Variants in CACNA1C observed in about 807,000 individuals in gnomAD.
CACNA1C encodes voltage-dependent L-type calcium channel subunit alpha-1C.
CACNA1C carries 30 observed loss-of-function variants against 229.0 expected under a neutral mutation model. That is an observed-to-expected ratio of 0.13 (90% CI 0.10 to 0.18). The LOEUF (loss-of-function observed/expected upper bound fraction) is 0.18. CACNA1C is among the 10% of genes least tolerant of loss of function. The pLI is 1.00. For missense variants in CACNA1C, 1,658 were observed against 2,845.0 expected (o/e 0.58, Z 9.49); for synonymous variants, 1,114 against 1,132.5 (o/e 0.98, Z 0.33).
At chr12:2,119,793 ATGAG>A (rs1194068969) in intron 2 of CACNA1C, among the ~76,000 whole-genome samples, 1 of 152,218 alleles carries the variant, frequency 6.6e-6, no homozygotes, top group Non-Finnish European at 1.5e-5. Flanking sequence ...CTGCCAGAGA[ATGAG>A]AGAGAAGAAA....
chr12:2,098,266 G>T (rs2075081789), intron 1 of CACNA1C, among the ~76,000 whole-genome samples: 1 of 152,190 alleles, frequency 6.6e-6, no homozygotes, highest in Non-Finnish European at 1.5e-5. Context: ...GTCTGGTGGG[G>T]TTTTGTAGGG....
intron 3 of CACNA1C, among the ~76,000 whole-genome samples, chr12:2,298,361 C>T (rs2094256220): frequency 6.6e-6 from 1 of 152,038 alleles, no homozygotes; most frequent in South Asian, 2.1e-4. Context: ...TGCAGTGGCA[C>T]AATCTCGGCT....
At chr12:2,613,976 T>A (rs1010377206) in intron 29 of CACNA1C, 2 of 152,362 alleles carry the variant, frequency 1.3e-5, no homozygotes, top group Admixed American at 6.5e-5. Context: ...TCTGACGATG[T>A]CTGAGGCAGT....
intron 3 of CACNA1C, among the ~76,000 whole-genome samples, chr12:2,378,955 C>T (rs1437430777): frequency 9.9e-5 from 15 of 151,908 alleles, no homozygotes; most frequent in African/African-American, 2.7e-4. Flanking sequence ...TTTTTGTGGT[C>T]GCATTTAGGA....
Position 2,694,564 on chromosome 12 carries a change from C to G in CACNA1C, c.*3365C>G, listed in dbSNP as rs2097822944. The G allele has an allele frequency of 6.6e-6, 1 of 152,250 alleles. No homozygotes were observed. Among genetic ancestry groups the G allele is most frequent in the Non-Finnish European group, 1.5e-5 (1 of 68,062 alleles). 9.4% of individuals were successfully genotyped at this position (152,250 alleles called of 1,614,324 possible). ...TCTTCTTAATCCAATAGGCCTCACT[C>G]TCACTGGGAAATCCACTCAAAGGAA... On this transcript the variant is annotated 3_prime_UTR_variant, in exon 47 of 47. Coordinates refer to ENST00000399655, the MANE Select transcript of CACNA1C (RefSeq NM_000719.7).
chr12:2,123,503 G>A (rs908057806), intron 3 of CACNA1C, among the ~76,000 whole-genome samples: 7 of 152,048 alleles, frequency 4.6e-5, no homozygotes, highest in African/African-American at 4.8e-5. Context: ...AGAGTAGGGC[G>A]GGCAGTGACA....
intron 3 of CACNA1C, among the ~76,000 whole-genome samples, chr12:2,257,941 T>C (rs1675834085): frequency 6.6e-6 from 1 of 152,158 alleles, no homozygotes; most frequent in Admixed American, 6.5e-5. Context: ...TACAAGTGAA[T>C]GCTACACTCT....
chr12:2,194,361 C>A (rs554636120), intron 3 of CACNA1C, among the ~76,000 whole-genome samples: 2 of 151,476 alleles, frequency 1.3e-5, no homozygotes, highest in South Asian at 4.2e-4. Context: ...CCTCCTCCTC[C>A]CTGCTCTTCC....
chr12:2,057,871 G>A (rs2154513804), intron 1 of CACNA1C, among the ~76,000 whole-genome samples: 1 of 152,322 alleles, frequency 6.6e-6, no homozygotes, highest in East Asian at 1.9e-4. Flanking sequence ...ATGGGATCTG[G>A]GAACCCAGAC....
At chr12:2,307,588 TA>T (rs1423246404) in intron 3 of CACNA1C, among the ~76,000 whole-genome samples, 1 of 152,178 alleles carries the variant, frequency 6.6e-6, no homozygotes, top group African/African-American at 2.4e-5. Context: ...GGGCACTTTG[TA>T]AAAATTACAG....
chr12:2,244,135 A>T (rs1467566168), intron 3 of CACNA1C, among the ~76,000 whole-genome samples: 1 of 152,224 alleles, frequency 6.6e-6, no homozygotes, highest in Non-Finnish European at 1.5e-5. Flanking sequence ...CTCTTGGCTC[A>T]GATTCATCTA....
chr12:2,471,172 A>C (rs1197624116), intron 5 of CACNA1C, among the ~76,000 whole-genome samples: 1 of 152,206 alleles, frequency 6.6e-6, no homozygotes, highest in Non-Finnish European at 1.5e-5. Flanking sequence ...AGCGTAATTT[A>C]TATTCAATAA....
intron 3 of CACNA1C, among the ~76,000 whole-genome samples, chr12:2,233,645 A>G (rs946299538): frequency 4.6e-5 from 7 of 152,226 alleles, no homozygotes; most frequent in Non-Finnish European, 8.8e-5. Flanking sequence ...ACCTTTGCCC[A>G]TGCCTTGTTT....
At chr12:2,465,038 C>A (rs1393227393) in intron 5 of CACNA1C, among the ~76,000 whole-genome samples, 1 of 152,194 alleles carries the variant, frequency 6.6e-6, no homozygotes, top group African/African-American at 2.4e-5. Context: ...CCTTAGTTTC[C>A]TCCTATGTAA....
chr12:2,197,710 T>C (rs1452730842), intron 3 of CACNA1C, among the ~76,000 whole-genome samples: 1 of 152,232 alleles, frequency 6.6e-6, no homozygotes, highest in Non-Finnish European at 1.5e-5. Context: ...TTTCTCACAT[T>C]TAAGTCAATG....
At chr12:2,078,469 A>G (rs2064082441) in intron 1 of CACNA1C, among the ~76,000 whole-genome samples, 1 of 152,234 alleles carries the variant, frequency 6.6e-6, no homozygotes, top group South Asian at 2.1e-4. Flanking sequence ...GCTAAGTGAA[A>G]TAAGCTGGTC....
chr12:2,150,211 C>T (rs116722867), intron 3 of CACNA1C, among the ~76,000 whole-genome samples: 2,280 of 152,244 alleles, frequency 0.015, 62 homozygotes, highest in African/African-American at 0.05. Flanking sequence ...AGGATAAGCC[C>T]GTGTCTGGCT....
intron 3 of CACNA1C, among the ~76,000 whole-genome samples, chr12:2,397,482 A>T (rs1408131997): frequency 6.6e-6 from 1 of 152,238 alleles, no homozygotes; most frequent in African/African-American, 2.4e-5. Flanking sequence ...CAGCAGCAAC[A>T]CACGTGCCGC....
chr12:2,128,878 G>A (rs1371561260), intron 3 of CACNA1C, among the ~76,000 whole-genome samples: 1 of 152,196 alleles, frequency 6.6e-6, no homozygotes, highest in African/African-American at 2.4e-5. Flanking sequence ...CAATAGATGA[G>A]CACACACAAG....
Sources: gnomAD v4.1 joint callset for allele counts (sites outside exome capture counted in the v4.1 genomes callset) on GRCh38, gnomAD v4.1.1 for gene constraint, MANE v1.5 for transcripts, NCBI Gene and HGNC (gene_info 2026-07-23, HGNC 2026-07-21) for gene names.